TSPAN17: variants seen among roughly 807,000 people sequenced by gnomAD.
The protein encoded by TSPAN17 is tetraspanin-17.
In TSPAN17, 33 loss-of-function variants were observed where a neutral mutation model predicts 40.5. That is an observed-to-expected ratio of 0.81 (90% CI 0.62 to 1.09). TSPAN17 has a LOEUF of 1.09. Ranked by LOEUF, TSPAN17 falls within the 50% of genes least tolerant of loss-of-function variation. The pLI is 0.00. For missense variants in TSPAN17, 365 were observed against 416.8 expected (o/e 0.88, Z 1.08); for synonymous variants, 166 against 169.4 (o/e 0.98, Z 0.15).
At chr5:176,655,101 G>A (rs1352309913) in intron 5 of TSPAN17, 81 bp downstream of exon 5, 5 of 1,467,594 alleles carry the variant, frequency 3.4e-6, no homozygotes, top group Middle Eastern at 1.8e-4. Context: ...GCCCCGCTCC[G>A]CTCTGCCCTG....
In TSPAN17 at chr5:176,652,908, G is replaced by A. The variant is rs199764975; in HGVS notation, c.451G>A (p.Glu151Lys). The change falls in exon 4 of 9, where the codon GAA becomes AAA. Residue 151 changes from glutamate (E) to lysine (K), a missense_variant. Glu to Lys is a moderately conservative substitution (Grantham distance 56). Transcript: ENST00000508164. ...CCAGAACCTCATTGACTTTGCTCAGGAATACGTGAGTCCAGTGTCCAGCCT... is the reference window on the plus strand; with the variant it reads ...CCAGAACCTCATTGACTTTGCTCAGAAATACGTGAGTCCAGTGTCCAGCCT... ...DLQNLIDFAQ[E>K]YWSCCGARGP... 30 of 1,614,110 alleles carry A rather than the reference G, an allele frequency of 1.9e-5. No homozygotes were observed. The highest frequency in any genetic ancestry group is 2.5e-5 in the Non-Finnish European group (30 of 1,179,978).
intron 8 of TSPAN17, chr5:176,657,232 T>TG: frequency 1.6e-6 from 1 of 628,430 alleles, no homozygotes; most frequent in South Asian, 2.0e-5. Flanking sequence ...TTTGGGGTGG[T>TG]GGACTCTCCA....
At chr5:176,655,170 G>T in intron 5 of TSPAN17, 150 bp downstream of exon 5, 2 of 1,014,792 alleles carry the variant, frequency 2.0e-6, no homozygotes, top group Non-Finnish European at 2.8e-6. Context: ...GAGGCCTGTT[G>T]GGGCGCGGCT....
intron 4 of TSPAN17, 72 bp downstream of exon 4, chr5:176,652,985 C>T: frequency 6.5e-7 from 1 of 1,529,004 alleles, no homozygotes; most frequent in Non-Finnish European, 9.0e-7. Flanking sequence ...GAGCAAGTTC[C>T]CTGTGATGGG....
intron 6 of TSPAN17, 52 bp from the exon 7 acceptor site, chr5:176,656,648 G>A: frequency 1.3e-6 from 2 of 1,583,386 alleles, no homozygotes; most frequent in Non-Finnish European, 1.7e-6. Flanking sequence ...TGGGAGGGTG[G>A]GAGCCGGCCT....
In TSPAN17 at chr5:176,656,082, A is replaced by G. The variant is rs1761144904; in HGVS notation, c.587A>G (p.Asp196Gly). Residue 196 changes from aspartate to glycine, a missense_variant, in exon 6 of 9, where the codon GAT (aspartate) becomes GGT (glycine). Physicochemically the swap from Asp to Gly is moderately conservative, Grantham distance 94. Coordinates refer to ENST00000508164, the MANE Select transcript of TSPAN17 (RefSeq NM_130465.5). ...AACTGGCCTGTCTCCCCTCAGGAGG[A>G]TGTCCTCAACACCCAGTGTGGCTAC... ...FSCCVRDPAE[D>G]VLNTQCGYDV... The G allele has an allele frequency of 6.2e-7, 1 of 1,614,090 alleles. No homozygotes were observed. Among genetic ancestry groups the G allele is most frequent in the East Asian group, 2.2e-5 (1 of 44,870 alleles).
chr5:176,657,186 C>T (rs1229077701), intron 8 of TSPAN17: 2 of 616,966 alleles, frequency 3.2e-6, no homozygotes, highest in African/African-American at 3.7e-5. Context: ...CACATGCAGG[C>T]ACACGTGTGC....
rs1761018080 is a variant in TSPAN17, at chr5:176,652,764, A to G, written c.307A>G (p.Ile103Val). ...CCAGTTCTCCGTGTTCCTCGGTCTC[A>G]TCTTCTTCCTGGAGCTGGCAACAGG... ...LKFFSVFLGL[I>V]FFLELATGIL... The change falls in exon 4 of 9, where the codon ATC becomes GTC. Residue 103 changes from isoleucine to valine, a missense_variant. By Grantham distance (29) the Ile-to-Val change is conservative. Transcript: ENST00000508164. 4 of 1,613,790 alleles carry G rather than the reference A, an allele frequency of 2.5e-6. No homozygotes were observed. The East Asian group carries it at 8.9e-5, about 36-fold the overall frequency.
In TSPAN17 at chr5:176,657,803, C is replaced by A. The variant is rs968002778; in HGVS notation, c.*105C>A. On this transcript the variant is annotated 3_prime_UTR_variant, in exon 9 of 9. Transcript: ENST00000508164. ...ACCTGGGACACTGCCTCCCCAGTCACCAAGGGCCCCAGCTGGCCCGTTCTA... is the reference window on the plus strand; with the variant it reads ...ACCTGGGACACTGCCTCCCCAGTCAACAAGGGCCCCAGCTGGCCCGTTCTA... 1 of 1,507,224 alleles carries A rather than the reference C, an allele frequency of 6.6e-7. No homozygotes were observed. Among genetic ancestry groups the A allele is most frequent in the Admixed American group, 2.3e-5 (1 of 42,802 alleles). 93.4% of individuals were successfully genotyped at this position (1,507,224 alleles called of 1,614,324 possible).
At position 176,654,735 on chromosome 5, in the gene TSPAN17, T is replaced by C; in HGVS notation, c.457-160T>C. 2.4e-6 allele frequency: 2 copies of C among 841,606 alleles called. No individual in the cohort carries two copies. Among genetic ancestry groups the C allele is most frequent in the East Asian group, 5.5e-5 (2 of 36,636 alleles). The allele number at this position is 841,606 out of a possible 1,614,324, so 52.1% of individuals were successfully genotyped here. On this transcript the variant is annotated intron_variant, in intron 4 of 8. Transcript: ENST00000508164. This position sits in a 1 kb window ranked among gnomAD's most constrained non-coding sequence, Gnocchi z 4.3. Reference sequence around the variant, plus strand: ...CCCTCTGCCTCCACCAGCCTGGAGGTTGGGCCCAGGCCTGTGGGGGTGGGG... The same window carrying C: ...CCCTCTGCCTCCACCAGCCTGGAGGCTGGGCCCAGGCCTGTGGGGGTGGGG...
At chr5:176,657,415 T>C in intron 8 of TSPAN17, 103 bp from the exon 9 acceptor site, 2 of 1,522,686 alleles carry the variant, frequency 1.3e-6, no homozygotes, top group Non-Finnish European at 1.8e-6. Context: ...AGCACTCTTT[T>C]CTATGAGCTG....
chr5:176,657,569 C>G lies in TSPAN17; in HGVS notation c.861C>G (p.Ser287=), dbSNP rs781742823. The G allele has an allele frequency of 6.2e-7, 1 of 1,613,024 alleles. No individual in the cohort carries two copies. The highest frequency in any genetic ancestry group is 2.2e-5 in the East Asian group (1 of 44,878). The part of the protein sequence containing the change: ...FENHWLTPTI[S]EVLSTAGPQQ... ...ACCACTGGCTTACGCCCACCATTTC[C>G]GAGGTCCTGTCCACGGCGGGGCCTC... Residue 287 remains serine, a synonymous_variant, in exon 9 of 9, where the codon TCC becomes TCG. Transcript: ENST00000508164.
rs976067001 is a variant in TSPAN17, at chr5:176,657,023, C to G, written c.809+67C>G. ...AGGCCTCTGGGGGGCCCCCCAGGACCCTCCTACTATACTCCTGACGGGCAA... is the reference window on the plus strand; with the variant it reads ...AGGCCTCTGGGGGGCCCCCCAGGACGCTCCTACTATACTCCTGACGGGCAA... On this transcript the variant is annotated intron_variant, in intron 8 of 8. Coordinates refer to ENST00000508164, the MANE Select transcript of TSPAN17 (RefSeq NM_130465.5). 1.6e-5 allele frequency: 24 copies of G among 1,506,334 alleles called. No homozygotes were observed. In the Admixed American group the frequency reaches 1.7e-4, roughly 11 times the overall value. The allele number at this position is 1,506,334 out of a possible 1,614,324, so 93.3% of individuals were successfully genotyped here. A position where few individuals can be genotyped will look rare whatever the true frequency, so the allele number is the denominator to read the frequency against.
Position 176,650,804 on chromosome 5 carries a change from C to T in TSPAN17, c.88-812C>T, listed in dbSNP as rs949118847. 6.6e-6 allele frequency among the ~76,000 whole-genome samples: 1 copy of T among 152,148 alleles called. No individual in the cohort carries two copies. Among genetic ancestry groups the T allele is most frequent in the South Asian group, 2.1e-4 (1 of 4,828 alleles). On this transcript the variant is annotated intron_variant, in intron 1 of 8. Coordinates refer to ENST00000508164, the MANE Select transcript of TSPAN17 (RefSeq NM_130465.5). The surrounding 1 kb of genome is among the most constrained non-coding windows in gnomAD (Gnocchi z 4.0). ...ATGGCCCTGGGCTTGGGTACGACAG[C>T]CTTTCCCCCTCTGAGACTGCACGCC...
At chr5:176,657,026 C>T (rs1761184803) in intron 8 of TSPAN17, 70 bp downstream of exon 8, 5 of 1,478,892 alleles carry the variant, frequency 3.4e-6, no homozygotes, top group Non-Finnish European at 4.6e-6. Context: ...CCAGGACCCT[C>T]CTACTATACT....
chr5:176,657,843 G>A lies in TSPAN17; in HGVS notation c.*145G>A, dbSNP rs551220137. On this transcript the variant is annotated 3_prime_UTR_variant, in exon 9 of 9. Coordinates refer to ENST00000508164, the MANE Select transcript of TSPAN17 (RefSeq NM_130465.5). ...GGCCCGTTCTACTCACCTAAGTGCC[G>A]CCTGACCCTTGTACACTAGGAGCTG... is the stretch of plus-strand genomic sequence containing the variant. The A allele has an allele frequency of 2.4e-4, 344 of 1,417,734 alleles. 1 individual carries two copies. Among genetic ancestry groups the A allele is most frequent in the Middle Eastern group, 2.4e-3 (9 of 3,812 alleles). 87.8% of individuals were successfully genotyped at this position (1,417,734 alleles called of 1,614,324 possible). A position where few individuals can be genotyped will look rare whatever the true frequency, so the allele number is the denominator to read the frequency against.
In TSPAN17 at chr5:176,647,510, C is replaced by A; in HGVS notation, c.-106C>A. On this transcript the variant is annotated 5_prime_UTR_variant, in exon 1 of 9. Coordinates refer to ENST00000508164, the MANE Select transcript of TSPAN17 (RefSeq NM_130465.5). ...CTCTGTGTGGCCGAGGCCATGAAGC[C>A]GCAGCCGCCCGGCTAGGCCCCGGGC... 2.4e-6 allele frequency: 2 copies of A among 819,680 alleles called. No individual in the cohort carries two copies. Among genetic ancestry groups the A allele is most frequent in the Non-Finnish European group, 1.7e-6 (1 of 589,728 alleles). The allele number at this position is 819,680 out of a possible 1,614,324, so 50.8% of individuals were successfully genotyped here. A position where few individuals can be genotyped will look rare whatever the true frequency, so the allele number is the denominator to read the frequency against.
At chr5:176,652,255 C>G (rs1195124063) in intron 3 of TSPAN17, among the ~76,000 whole-genome samples, 1 of 152,232 alleles carries the variant, frequency 6.6e-6, no homozygotes, top group Non-Finnish European at 1.5e-5. Flanking sequence ...AGGAACAGAG[C>G]CGGCTTCCCC....
rs373036682 is a variant in TSPAN17, at chr5:176,656,070, C to G, written c.583-8C>G. On this transcript the variant is annotated splice_region_variant and splice_polypyrimidine_tract_variant and intron_variant, in intron 5 of 8. Transcript: ENST00000508164. ...CACCAAGTCACTAACTGGCCTGTCT[C>G]CCCTCAGGAGGATGTCCTCAACACC... The G allele has an allele frequency of 6.2e-7, 1 of 1,614,140 alleles. No homozygotes were observed. The highest frequency in any genetic ancestry group is 8.5e-7 in the Non-Finnish European group (1 of 1,179,982).
Sources: gnomAD v4.1 joint callset for allele counts (sites outside exome capture counted in the v4.1 genomes callset) on GRCh38, gnomAD v4.1.1 for gene constraint, Gnocchi (gnomAD v3.1) non-coding constraint, MANE v1.5 for transcripts, NCBI Gene and HGNC (gene_info 2026-07-23, HGNC 2026-07-21) for gene names.